MAGEA8: variants seen among roughly 807,000 people sequenced by gnomAD.
MAGEA8 encodes melanoma-associated antigen 8.
For missense variants in MAGEA8, 229 were observed against 251.1 expected (o/e 0.91, Z 0.59); for synonymous variants, 104 against 102.6 (o/e 1.01, Z -0.08).
At position 149,884,596 on chromosome X, in the gene MAGEA8, C is replaced by G. The variant is rs2090749954; in HGVS notation, c.324C>G (p.Phe108Leu). ...ACCCAGCTCACCTGGAGTCCCTGTT[C>G]CGGGAAGCACTTGATGAGAAAGTGG... Reference protein sequence around the residue: ...SPDPAHLESLFREALDEKVAE... With the variant: ...SPDPAHLESLLREALDEKVAE... Residue 108 changes from phenylalanine (F) to leucine (L), a missense_variant, in exon 3 of 3, where the codon TTC becomes TTG. Coordinates refer to ENST00000286482, the MANE Select transcript of MAGEA8 (RefSeq NM_005364.5). 1.7e-6 allele frequency: 2 copies of G among 1,210,561 alleles called. No homozygotes were observed. Among genetic ancestry groups the G allele is most frequent in the South Asian group, 1.8e-5 (1 of 56,690 alleles).
In MAGEA8 at chrX:149,884,615, A is replaced by C; in HGVS notation, c.343A>C (p.Lys115Gln). Reference sequence around the variant, plus strand: ...CCTGTTCCGGGAAGCACTTGATGAGAAAGTGGCTGAGTTAGTTCGTTTCCT... The same window carrying C: ...CCTGTTCCGGGAAGCACTTGATGAGCAAGTGGCTGAGTTAGTTCGTTTCCT... ...ESLFREALDEKVAELVRFLLR... is the reference protein window; with the variant it reads ...ESLFREALDEQVAELVRFLLR... Residue 115 changes from lysine to glutamine, a missense_variant, in exon 3 of 3, where the codon AAA becomes CAA. By Grantham distance (53) the Lys-to-Gln change is moderately conservative. Coordinates refer to ENST00000286482, the MANE Select transcript of MAGEA8 (RefSeq NM_005364.5). 7 of 1,210,759 alleles carry C rather than the reference A, an allele frequency of 5.8e-6. No homozygotes were observed. The highest frequency in any genetic ancestry group is 7.8e-6 in the Non-Finnish European group (7 of 894,825).
chrX:149,882,334 A>G (rs1353606866), intron 1 of MAGEA8, among the ~76,000 whole-genome samples: 1 of 111,415 alleles, frequency 9.0e-6, no homozygotes, highest in African/African-American at 3.3e-5. Context: ...TACCTGGATG[A>G]CACCCAGACA....
rs1557370849 is a variant in MAGEA8, at chrX:149,884,296, G to A, written c.24G>A (p.Gln8=). ...TCATGCTTCTTGGGCAGAAGAGTCAGCGCTACAAGGCTGAGGAAGGCCTTC... is the reference window on the plus strand; with the variant it reads ...TCATGCTTCTTGGGCAGAAGAGTCAACGCTACAAGGCTGAGGAAGGCCTTC... MLLGQKS[Q]RYKAEEGLQA... is the part of the protein sequence containing the mutation. Residue 8 remains glutamine (Q), a synonymous_variant, in exon 3 of 3, where the codon CAG becomes CAA. Transcript: ENST00000286482. 7 of 1,197,167 alleles carry A rather than the reference G, an allele frequency of 5.8e-6. No homozygotes were observed. The highest frequency in any genetic ancestry group is 7.9e-6 in the Non-Finnish European group (7 of 888,247).
chrX:149,884,483 T>A lies in MAGEA8; in HGVS notation c.211T>A (p.Ser71Thr), dbSNP rs1557370906. 2.5e-6 allele frequency: 3 copies of A among 1,211,339 alleles called. No homozygotes were observed. The highest frequency in any genetic ancestry group is 3.4e-6 in the Non-Finnish European group (3 of 895,241). Residue 71 changes from serine (S) to threonine (T), a missense_variant, in exon 3 of 3, where the codon TCC becomes ACC. Transcript: ENST00000286482. ...PPQSPEGASSSLTVTDSTLWS... is the reference protein window; with the variant it reads ...PPQSPEGASSTLTVTDSTLWS... ...CCAGAGTCCTGAGGGTGCCTCCTCT[T>A]CCCTGACTGTCACCGACAGCACTCT... is the stretch of plus-strand genomic sequence containing the variant.
At position 149,885,244 on chromosome X, in the gene MAGEA8, T is replaced by C. The variant is rs782526446; in HGVS notation, c.*15T>C. On this transcript the variant is annotated 3_prime_UTR_variant, in exon 3 of 3. Transcript: ENST00000286482. ...AAGGAGTTTGAGCAGGAGTTGCAGC[T>C]AGGGCCAGTGGGGCAGGTTGTGGGA... 8.7e-7 allele frequency: 1 copy of C among 1,149,155 alleles called. No homozygotes were observed. The allele number at this position is 1,149,155 out of a possible 1,213,427, so 94.7% of individuals were successfully genotyped here.
intron 1 of MAGEA8, among the ~76,000 whole-genome samples, chrX:149,882,847 T>C (rs2090739111): frequency 9.0e-6 from 1 of 110,937 alleles, no homozygotes. Flanking sequence ...TAGGGACAGA[T>C]CCTAGTGTCA....
At position 149,884,349 on chromosome X, in the gene MAGEA8, T is replaced by C. The variant is rs1569561966; in HGVS notation, c.77T>C (p.Met26Thr). Residue 26 changes from methionine to threonine, a missense_variant, in exon 3 of 3, where the codon ATG becomes ACG. Physicochemically the swap from Met to Thr is moderately conservative, Grantham distance 81. Coordinates refer to ENST00000286482, the MANE Select transcript of MAGEA8 (RefSeq NM_005364.5). The part of the protein sequence containing the change: ...LQAQGEAPGL[M>T]DVQIPTAEEQ... The stretch of plus-strand genomic sequence containing the variant: ...GCCCAAGGAGAGGCACCAGGGCTTA[T>C]GGATGTGCAGATTCCCACAGCTGAG... The C allele has an allele frequency of 1.3e-5, 16 of 1,209,937 alleles. No individual in the cohort carries two copies. Among genetic ancestry groups the C allele is most frequent in the Non-Finnish European group, 1.8e-5 (16 of 894,344 alleles).
intron 1 of MAGEA8, among the ~76,000 whole-genome samples, chrX:149,881,678 GATT>G (rs2090731060): frequency 9.1e-6 from 1 of 109,998 alleles, no homozygotes; most frequent in Non-Finnish European, 1.9e-5. Context: ...CGGGCTCGCT[GATT>G]CTGACGTCCG....
chrX:149,884,214 G>A lies in MAGEA8; in HGVS notation c.-59G>A. The A allele has an allele frequency of 1.1e-6, 1 of 951,499 alleles. No individual in the cohort carries two copies. The highest frequency in any genetic ancestry group is 1.5e-6 in the Non-Finnish European group (1 of 675,578). The allele number at this position is 951,499 out of a possible 1,213,427, so 78.4% of individuals were successfully genotyped here. On this transcript the variant is annotated 5_prime_UTR_variant, in exon 3 of 3. The change creates a new upstream start codon in the 5' untranslated region. Transcript: ENST00000286482. ...ACACGCTTCCTCTCTCCCCAGGCCTGTGGGTCTCAATTGCCCAGCTCCGGC... is the reference window on the plus strand; with the variant it reads ...ACACGCTTCCTCTCTCCCCAGGCCTATGGGTCTCAATTGCCCAGCTCCGGC...
At position 149,881,517 on chromosome X, in the gene MAGEA8, G is replaced by A. The variant is rs1281734567; in HGVS notation, c.-126+232G>A. 3.6e-5 allele frequency among the ~76,000 whole-genome samples: 4 copies of A among 110,884 alleles called. No individual in the cohort carries two copies. In the Admixed American group the frequency reaches 3.8e-4, roughly 10 times the overall value. On this transcript the variant is annotated intron_variant, in intron 1 of 2. Coordinates refer to ENST00000286482, the MANE Select transcript of MAGEA8 (RefSeq NM_005364.5). ...GGGCCCAGGTTCTGCCAGGCATCAA[G>A]GGCAGGACCCTGAGGGAGGGCTGAG...
rs2090757078 is a variant in MAGEA8 at position 149,885,373 on chromosome X, C to T, written c.*144C>T. On this transcript the variant is annotated 3_prime_UTR_variant, in exon 3 of 3. Transcript: ENST00000286482. The stretch of plus-strand genomic sequence containing the variant: ...GTGTTTGAAGAGAGCAGTCACAGTT[C>T]TCAGTAGTGGGGAGCATGTTGGGTG... The T allele has an allele frequency of 2.1e-6, 1 of 476,632 alleles. No homozygotes were observed. Among genetic ancestry groups the T allele is most frequent in the Admixed American group, 3.7e-5 (1 of 26,971 alleles). The allele number at this position is 476,632 out of a possible 1,213,427, so 39.3% of individuals were successfully genotyped here. A position where few individuals can be genotyped will look rare whatever the true frequency, so the allele number is the denominator to read the frequency against.
rs1317048611 is a variant in MAGEA8 at position 149,881,275 on chromosome X, G to A, written c.-136G>A. On this transcript the variant is annotated 5_prime_UTR_variant, in exon 1 of 3. Transcript: ENST00000286482. Reference sequence around the variant, plus strand: ...TGAGGGAAGCGGGCTCAGGGTCTGTGAGGAGGCAAGGTGAGACCCTGAGGG... The same window carrying A: ...TGAGGGAAGCGGGCTCAGGGTCTGTAAGGAGGCAAGGTGAGACCCTGAGGG... The A allele has an allele frequency of 9.0e-6, 1 of 111,178 alleles. No homozygotes were observed. The highest frequency in any genetic ancestry group is 3.3e-5 in the African/African-American group (1 of 30,528). 9.2% of individuals were successfully genotyped at this position (111,178 alleles called of 1,213,427 possible). A position where few individuals can be genotyped will look rare whatever the true frequency, so the allele number is the denominator to read the frequency against.
Position 149,884,589 on chromosome X carries a change from C to T in MAGEA8, c.317C>T (p.Ser106Phe). The T allele has an allele frequency of 8.3e-7, 1 of 1,210,773 alleles. No individual in the cohort carries two copies. The highest frequency in any genetic ancestry group is 1.1e-6 in the Non-Finnish European group (1 of 894,807). Residue 106 changes from serine (S) to phenylalanine (F), a missense_variant, in exon 3 of 3, where the codon TCC (serine) becomes TTC (phenylalanine). Ser to Phe is a radical substitution (Grantham distance 155). Transcript: ENST00000286482. ...STSPDPAHLE[S>F]LFREALDEKV... ...TCCCCGGACCCAGCTCACCTGGAGT[C>T]CCTGTTCCGGGAAGCACTTGATGAG...
rs782556620 is a variant in MAGEA8, at chrX:149,884,364, C to A, written c.92C>A (p.Pro31His). Residue 31 changes from proline (P) to histidine (H), a missense_variant, in exon 3 of 3, where the codon CCC becomes CAC. Coordinates refer to ENST00000286482, the MANE Select transcript of MAGEA8 (RefSeq NM_005364.5). ...EAPGLMDVQI[P>H]TAEEQKAASS... is the part of the protein sequence containing the mutation. ...CCAGGGCTTATGGATGTGCAGATTC[C>A]CACAGCTGAGGAGCAGAAGGCTGCA... The A allele has an allele frequency of 1.7e-6, 2 of 1,209,897 alleles. No individual in the cohort carries two copies. Among genetic ancestry groups the A allele is most frequent in the Non-Finnish European group, 2.2e-6 (2 of 894,353 alleles).
Position 149,884,099 on chromosome X carries a change from G to A in MAGEA8, c.-99G>A. Reference sequence around the variant, plus strand: ...TTCGCAGAGAACAGGCCAGCCAGGAGGTCAGGAGGCCCCAGAGAAGCACTG... The same window carrying A: ...TTCGCAGAGAACAGGCCAGCCAGGAAGTCAGGAGGCCCCAGAGAAGCACTG... On this transcript the variant is annotated 5_prime_UTR_variant, in exon 2 of 3. Transcript: ENST00000286482. 1 of 437,608 alleles carries A rather than the reference G, an allele frequency of 2.3e-6. No individual in the cohort carries two copies. The highest frequency in any genetic ancestry group is 3.7e-5 in the East Asian group (1 of 26,671). The allele number at this position is 437,608 out of a possible 1,213,427, so 36.1% of individuals were successfully genotyped here.
chrX:149,884,053 C>T lies in MAGEA8; in HGVS notation c.-125-20C>T. On this transcript the variant is annotated intron_variant, in intron 1 of 2. Transcript: ENST00000286482. ...GCCAGGAGGCTGCACCCTGAGATGC[C>T]CTCTCAATTTCTCCTTCAGGTTCGC... 2.6e-6 allele frequency: 1 copy of T among 390,470 alleles called. No individual in the cohort carries two copies. Among genetic ancestry groups the T allele is most frequent in the East Asian group, 4.1e-5 (1 of 24,570 alleles). 32.2% of individuals were successfully genotyped at this position (390,470 alleles called of 1,213,427 possible).
rs1186618626 is a variant in MAGEA8, at chrX:149,885,714, G to T, written c.*485G>T. 1 of 163,684 alleles carries T rather than the reference G, an allele frequency of 6.1e-6. No homozygotes were observed. Among genetic ancestry groups the T allele is most frequent in the Non-Finnish European group, 1.2e-5 (1 of 80,245 alleles). 13.5% of individuals were successfully genotyped at this position (163,684 alleles called of 1,213,427 possible). ...AAAATACATGAGATAAAGACATAAAGAAATTAAACAATAGTTAATTCTTGC... is the reference window on the plus strand; with the variant it reads ...AAAATACATGAGATAAAGACATAAATAAATTAAACAATAGTTAATTCTTGC... On this transcript the variant is annotated 3_prime_UTR_variant, in exon 3 of 3. Coordinates refer to ENST00000286482, the MANE Select transcript of MAGEA8 (RefSeq NM_005364.5).
In MAGEA8 at chrX:149,885,556, T is replaced by G; in HGVS notation, c.*327T>G. 1 of 316,920 alleles carries G rather than the reference T, an allele frequency of 3.2e-6. No individual in the cohort carries two copies. The highest frequency in any genetic ancestry group is 5.7e-6 in the Non-Finnish European group (1 of 175,033). 26.1% of individuals were successfully genotyped at this position (316,920 alleles called of 1,213,427 possible). ...TATGTATGACAGTAGACAGACTTAC[T>G]GCTTTTTATATAGTTTAGGAGTAAG... On this transcript the variant is annotated 3_prime_UTR_variant, in exon 3 of 3. Coordinates refer to ENST00000286482, the MANE Select transcript of MAGEA8 (RefSeq NM_005364.5).
Position 149,884,101 on chromosome X carries a change from T to G in MAGEA8, c.-97T>G. On this transcript the variant is annotated 5_prime_UTR_variant, in exon 2 of 3. Coordinates refer to ENST00000286482, the MANE Select transcript of MAGEA8 (RefSeq NM_005364.5). ...CGCAGAGAACAGGCCAGCCAGGAGG[T>G]CAGGAGGCCCCAGAGAAGCACTGAA... 2.3e-6 allele frequency: 1 copy of G among 432,597 alleles called. No individual in the cohort carries two copies. Among genetic ancestry groups the G allele is most frequent in the Admixed American group, 4.3e-5 (1 of 23,380 alleles). 35.7% of individuals were successfully genotyped at this position (432,597 alleles called of 1,213,427 possible).
Sources: allele counts gnomAD v4.1 joint callset (sites outside exome capture counted in the v4.1 genomes callset), GRCh38; gene constraint gnomAD v4.1.1; transcripts MANE v1.5; gene names NCBI Gene and HGNC (gene_info 2026-07-23, HGNC 2026-07-21).